The following SLC15A4 variants were observed in gnomAD, a reference collection of about 807,000 sequenced individuals.
SLC15A4 encodes the protein solute carrier family 15 member 4.
SLC15A4 carries 26 observed loss-of-function variants against 46.1 expected under a neutral mutation model. That is an observed-to-expected ratio of 0.56 (90% CI 0.41 to 0.78). SLC15A4 has a LOEUF of 0.78. Among genes scored for constraint, SLC15A4 ranks in the 30% least tolerant of loss-of-function variants. SLC15A4 has a pLI of 0.00. For missense variants in SLC15A4, 751 were observed against 755.7 expected, an observed-to-expected ratio of 0.99 and a Z score of 0.07; for synonymous variants, 370 against 333.4, an observed-to-expected ratio of 1.11 and a Z score of -1.20.
intron 5 of SLC15A4, among the ~76,000 whole-genome samples, chr12:128,805,559 G>A (rs1955575479): frequency 6.6e-6 from 1 of 152,014 alleles, no homozygotes; most frequent in Non-Finnish European, 1.5e-5. Context: ...TTGAGACAGA[G>A]TCTCACTCTG....
chr12:128,796,900 G>A (rs940891674), intron 7 of SLC15A4, among the ~76,000 whole-genome samples: 11 of 152,198 alleles, frequency 7.2e-5, no homozygotes, highest in African/African-American at 1.2e-4. Context: ...TGAAGGCTGC[G>A]CGGCCCTGCG....
At chr12:128,817,155 T>C (rs1955765683) in intron 1 of SLC15A4, among the ~76,000 whole-genome samples, 2 of 152,238 alleles carry the variant, frequency 1.3e-5, no homozygotes, top group South Asian at 2.1e-4. Context: ...TTCTCTTATC[T>C]ATTACAATAC....
At chr12:128,810,300 T>A in intron 2 of SLC15A4, 189 bp from the exon 3 acceptor site, 1 of 563,950 alleles carries the variant, frequency 1.8e-6, no homozygotes, top group Non-Finnish European at 3.1e-6. Flanking sequence ...CAGAATGTAC[T>A]GAAACAGCTG....
At chr12:128,806,165 CAAAAAAA>C (rs765448653) in intron 5 of SLC15A4, among the ~76,000 whole-genome samples, 2 of 86,304 alleles carry the variant, frequency 2.3e-5, no homozygotes, top group African/African-American at 4.6e-5. Context: ...GACTCTGTCT[CAAAAAAA>C]AAAAAAAAAA....
intron 7 of SLC15A4, among the ~76,000 whole-genome samples, chr12:128,797,513 G>A (rs913942099): frequency 1.3e-5 from 2 of 152,190 alleles, no homozygotes; most frequent in African/African-American, 2.4e-5. Flanking sequence ...TGGTATGCAC[G>A]TTCTCCCCAG....
chr12:128,809,028 C>T, intron 4 of SLC15A4, 72 bp from the exon 5 acceptor site: 1 of 1,415,714 alleles, frequency 7.1e-7, no homozygotes. Context: ...GAACCAACGT[C>T]TCAATGGGAG....
intron 5 of SLC15A4, among the ~76,000 whole-genome samples, chr12:128,804,998 T>G (rs893583527): frequency 6.6e-6 from 1 of 152,142 alleles, no homozygotes; most frequent in Non-Finnish European, 1.5e-5. Flanking sequence ...CAAAGTCAGG[T>G]CAGAGGACCA....
chr12:128,823,870 G>C lies in SLC15A4; in HGVS notation c.74C>G (p.Ala25Gly). The change falls in exon 1 of 8, where the codon GCG (alanine) becomes GGG (glycine). Residue 25 changes from alanine (A) to glycine (G), a missense_variant. By Grantham distance (60) the Ala-to-Gly change is moderately conservative. Coordinates refer to ENST00000266771, the MANE Select transcript of SLC15A4 (RefSeq NM_145648.4). Reference sequence around the variant, plus strand: ...CCGGCCCGCGAACGCCCCAGCCGCCGCCGCGGCCGCCGCCGCCCGCCGCGC... The same window carrying C: ...CCGGCCCGCGAACGCCCCAGCCGCCCCCGCGGCCGCCGCCGCCCGCCGCGC... ...LGARRAAAAA[A>G]AAGAFAGRRA... The C allele has an allele frequency of 1.0e-6, 1 of 977,920 alleles. No individual in the cohort carries two copies. Among genetic ancestry groups the C allele is most frequent in the Non-Finnish European group, 1.2e-6 (1 of 823,818 alleles). 60.6% of individuals were successfully genotyped at this position (977,920 alleles called of 1,614,324 possible). A position where few individuals can be genotyped will look rare whatever the true frequency, so the allele number is the denominator to read the frequency against.
chr12:128,801,134 A>C (rs1955514403), intron 5 of SLC15A4, 125 bp from the exon 6 acceptor site: 6 of 872,516 alleles, frequency 6.9e-6, no homozygotes, highest in Non-Finnish European at 1.0e-5. Flanking sequence ...GACCACGTCT[A>C]ATCACAGCTT....
chr12:128,797,328 C>G (rs189439658), intron 7 of SLC15A4, among the ~76,000 whole-genome samples: 51 of 152,218 alleles, frequency 3.4e-4, no homozygotes, highest in African/African-American at 1.2e-3. Context: ...AGCCACAGCC[C>G]AGCACAGGAC....
intron 1 of SLC15A4, among the ~76,000 whole-genome samples, chr12:128,821,474 T>C (rs961165392): frequency 1.3e-5 from 2 of 152,216 alleles, no homozygotes; most frequent in Non-Finnish European, 2.9e-5. Context: ...CCCAGTGTAG[T>C]GGCTGTGTTG....
chr12:128,801,117 G>A (rs951896404), intron 5 of SLC15A4, 108 bp from the exon 6 acceptor site: 15 of 1,033,586 alleles, frequency 1.5e-5, no homozygotes, highest in Middle Eastern at 2.3e-4. Context: ...ATTCTGATGC[G>A]TGAAAGGACC....
intron 1 of SLC15A4, among the ~76,000 whole-genome samples, chr12:128,823,132 C>T (rs1476996646): frequency 6.6e-6 from 1 of 152,214 alleles, no homozygotes; most frequent in Non-Finnish European, 1.5e-5. Context: ...GCCACCGCGC[C>T]CGGCCTCTCT....
chr12:128,811,782 T>C (rs1289139577), intron 2 of SLC15A4, among the ~76,000 whole-genome samples: 2 of 152,262 alleles, frequency 1.3e-5, no homozygotes, highest in East Asian at 3.8e-4. Flanking sequence ...CAAAGAATCA[T>C]TCACACAGGT....
At chr12:128,820,212 C>T (rs1481797468) in intron 1 of SLC15A4, among the ~76,000 whole-genome samples, 1 of 152,196 alleles carries the variant, frequency 6.6e-6, no homozygotes, top group Admixed American at 6.5e-5. Context: ...CCCTGCAGAA[C>T]CATTACGGAA....
At chr12:128,813,646 C>G (rs192078076) in intron 2 of SLC15A4, 33 of 152,402 alleles carry the variant, frequency 2.2e-4, no homozygotes, top group African/African-American at 7.9e-4. Flanking sequence ...GTCCAGCAAC[C>G]AGTGCCATGC....
At chr12:128,815,721 C>A in intron 1 of SLC15A4, 1 of 153,918 alleles carries the variant, frequency 6.5e-6, no homozygotes, top group Non-Finnish European at 1.4e-5. Flanking sequence ...GTCACAGGAC[C>A]CACGCTCCAG....
At chr12:128,796,901 C>T (rs114742546) in intron 7 of SLC15A4, among the ~76,000 whole-genome samples, 1,608 of 152,302 alleles carry the variant, frequency 0.011, 27 homozygotes, top group African/African-American at 0.034. Context: ...GAAGGCTGCG[C>T]GGCCCTGCGG....
chr12:128,807,179 G>A (rs1048063591), intron 5 of SLC15A4, among the ~76,000 whole-genome samples: 2 of 152,154 alleles, frequency 1.3e-5, no homozygotes, highest in African/African-American at 2.4e-5. Flanking sequence ...GGGATGACAG[G>A]TGTGAGCCAC....
Sources: allele counts gnomAD v4.1 joint callset (sites outside exome capture counted in the v4.1 genomes callset), GRCh38; gene constraint gnomAD v4.1.1; transcripts MANE v1.5; gene names NCBI Gene and HGNC (gene_info 2026-07-23, HGNC 2026-07-21).